Variants in GALNTL6 observed in about 807,000 individuals in gnomAD.
The protein encoded by GALNTL6 is polypeptide N-acetylgalactosaminyltransferase like 6.
GALNTL6 carries 46 observed loss-of-function variants against 73.7 expected under a neutral mutation model. The observed-to-expected ratio is 0.62, with a 90% confidence interval of 0.49 to 0.80. GALNTL6 has a LOEUF of 0.80. GALNTL6 is among the 30% of genes least tolerant of loss of function. GALNTL6 has a pLI of 0.00. For missense variants in GALNTL6, 604 were observed against 755.0 expected, an observed-to-expected ratio of 0.80 and a Z score of 2.34; for synonymous variants, 259 against 263.7, an observed-to-expected ratio of 0.98 and a Z score of 0.17.
intron 5 of GALNTL6, among the ~76,000 whole-genome samples, chr4:172,585,484 C>G (rs998437676): frequency 5.9e-5 from 9 of 152,172 alleles, no homozygotes; most frequent in African/African-American, 2.2e-4. Context: ...TCAACCCCCT[C>G]TTATGAGTGA....
At chr4:171,885,447 G>T (rs1399692651) in intron 2 of GALNTL6, among the ~76,000 whole-genome samples, 1 of 152,140 alleles carries the variant, frequency 6.6e-6, no homozygotes, top group African/African-American at 2.4e-5. Context: ...GGCTGCAAAT[G>T]CTCACTGGGC....
chr4:172,618,565 C>A (rs571464236), intron 5 of GALNTL6, among the ~76,000 whole-genome samples: 25 of 152,170 alleles, frequency 1.6e-4, no homozygotes, highest in African/African-American at 5.8e-4. Context: ...ATGGACCTTC[C>A]CAAACACCTG....
At position 172,341,430 on chromosome 4, in the gene GALNTL6, G is replaced by A. The variant is rs962455663; in HGVS notation, c.387-7093G>A. Among the ~76,000 whole-genome samples, 7 of 133,650 alleles carry A rather than the reference G, an allele frequency of 5.2e-5. 1 individual carries two copies. In the East Asian group the frequency reaches 6.4e-4, roughly 12 times the overall value. 87.7% of individuals were successfully genotyped at this position (133,650 alleles called of 152,430 possible). ...CCCGCCACTGCACTCCAGCCTGGGCGACAGAGCGAGACTCCGTCTCAAAAA... is the reference window on the plus strand; with the variant it reads ...CCCGCCACTGCACTCCAGCCTGGGCAACAGAGCGAGACTCCGTCTCAAAAA... On this transcript the variant is annotated intron_variant, in intron 4 of 12. Coordinates refer to ENST00000506823, the MANE Select transcript of GALNTL6 (RefSeq NM_001034845.3).
rs142636195 is a variant in GALNTL6 at position 172,120,645 on chromosome 4, T to C, written c.139-109011T>C. On this transcript the variant is annotated intron_variant, in intron 2 of 12. Transcript: ENST00000506823. The stretch of plus-strand genomic sequence containing the variant: ...TGATTCACCCTAACACACAAGAGTA[T>C]GAACAAGGTAAAAATAAAGTCGGGG... Among the ~76,000 whole-genome samples, 488 of 151,564 alleles carry C rather than the reference T, an allele frequency of 3.2e-3. 7 individuals carry two copies. Among genetic ancestry groups the C allele is most frequent in the African/African-American group, 0.011 (459 of 41,324 alleles).
intron 7 of GALNTL6, among the ~76,000 whole-genome samples, chr4:172,848,237 TTTTC>T (rs1270396100): frequency 6.6e-6 from 1 of 152,168 alleles, no homozygotes; most frequent in Non-Finnish European, 1.5e-5. Context: ...TCACTGAAGC[TTTTC>T]AGATCTGAGC....
chr4:172,343,681 C>T (rs931270770), intron 4 of GALNTL6, among the ~76,000 whole-genome samples: 2 of 151,708 alleles, frequency 1.3e-5, no homozygotes, highest in Non-Finnish European at 2.9e-5. Flanking sequence ...AATCAGAAAA[C>T]GTTTATGTAT....
intron 2 of GALNTL6, among the ~76,000 whole-genome samples, chr4:171,882,608 A>G (rs1736481325): frequency 6.6e-6 from 1 of 152,196 alleles, no homozygotes. Flanking sequence ...GTGTAAGTCC[A>G]AGAGTCCAAA....
intron 5 of GALNTL6, among the ~76,000 whole-genome samples, chr4:172,582,734 T>TCA (rs752708242): frequency 2.2e-5 from 3 of 138,492 alleles, no homozygotes; most frequent in Non-Finnish European, 4.6e-5. Context: ...CATTGGGAAA[T>TCA]CACACACACA....
Position 172,717,620 on chromosome 4 carries a change from T to C in GALNTL6, c.554-91741T>C, listed in dbSNP as rs77113132. Among the ~76,000 whole-genome samples the C allele has an allele frequency of 7.4e-4, 112 of 152,308 alleles. 1 individual carries two copies. The East Asian group carries it at 0.019, about 25-fold the overall frequency. On this transcript the variant is annotated intron_variant, in intron 5 of 12. Transcript: ENST00000506823. ...CAATATACCAACTTGCTACTACAAT[T>C]GCCAGCACTACTATGTGTATAGGAT... is the stretch of plus-strand genomic sequence containing the variant.
At chr4:172,747,164 G>A (rs1245187441) in intron 5 of GALNTL6, among the ~76,000 whole-genome samples, 3 of 152,054 alleles carry the variant, frequency 2.0e-5, no homozygotes, top group African/African-American at 4.8e-5. Flanking sequence ...AAGCAAAAAC[G>A]AGATAGGATT....
At chr4:172,171,902 T>C (rs1419376980) in intron 2 of GALNTL6, among the ~76,000 whole-genome samples, 3 of 152,076 alleles carry the variant, frequency 2.0e-5, no homozygotes, top group Non-Finnish European at 4.4e-5. Flanking sequence ...GCCCCAAAAG[T>C]TTTGTAGCCA....
At chr4:171,848,718 A>G (rs1340054409) in intron 2 of GALNTL6, among the ~76,000 whole-genome samples, 2 of 152,150 alleles carry the variant, frequency 1.3e-5, no homozygotes, top group Admixed American at 6.5e-5. Context: ...TTTCTTCCAC[A>G]ATTTCCTCAC....
At chr4:172,232,960 T>C (rs553988794) in intron 3 of GALNTL6, among the ~76,000 whole-genome samples, 1 of 152,320 alleles carries the variant, frequency 6.6e-6, no homozygotes, top group African/African-American at 2.4e-5. Context: ...TAGATTATTT[T>C]AAAACATCTC....
At chr4:172,584,477 G>T (rs1737326905) in intron 5 of GALNTL6, among the ~76,000 whole-genome samples, 1 of 152,196 alleles carries the variant, frequency 6.6e-6, no homozygotes, top group Admixed American at 6.5e-5. Flanking sequence ...AATGGGCAAT[G>T]AGAGACACTA....
intron 2 of GALNTL6, among the ~76,000 whole-genome samples, chr4:172,174,405 T>C (rs1734929085): frequency 1.3e-5 from 2 of 152,162 alleles, no homozygotes; most frequent in South Asian, 4.1e-4. Context: ...GTTGTTGTTG[T>C]TTTAGAAGTT....
chr4:172,642,029 T>G (rs1015150714), intron 5 of GALNTL6, among the ~76,000 whole-genome samples: 1 of 151,996 alleles, frequency 6.6e-6, no homozygotes, highest in African/African-American at 2.4e-5. Context: ...TACAGTGAAA[T>G]ATCATCCTAC....
chr4:172,362,167 A>T (rs1184005623), intron 5 of GALNTL6, among the ~76,000 whole-genome samples: 1 of 152,070 alleles, frequency 6.6e-6, no homozygotes, highest in African/African-American at 2.4e-5. Context: ...ACCTCCTTTT[A>T]TACCTTTACA....
chr4:172,093,730 T>C (rs1243724655), intron 2 of GALNTL6, among the ~76,000 whole-genome samples: 1 of 152,174 alleles, frequency 6.6e-6, no homozygotes, highest in East Asian at 1.9e-4. Context: ...AGAATTTAGC[T>C]TGCACTCTCC....
At chr4:172,230,144 T>C (rs1737008039) in intron 3 of GALNTL6, among the ~76,000 whole-genome samples, 1 of 152,060 alleles carries the variant, frequency 6.6e-6, no homozygotes. Flanking sequence ...GCAAAGTATT[T>C]AATTTGTACC....
Sources: allele counts gnomAD v4.1 joint callset (sites outside exome capture counted in the v4.1 genomes callset), GRCh38; gene constraint gnomAD v4.1.1; transcripts MANE v1.5; gene names NCBI Gene and HGNC (gene_info 2026-07-23, HGNC 2026-07-21).